MAP3K4: variants seen among roughly 807,000 people sequenced by gnomAD.
MAP3K4 encodes MAP three kinase 1.
In MAP3K4, 67 loss-of-function variants were observed where a neutral mutation model predicts 185.6. The observed-to-expected ratio is 0.36, with a 90% CI of 0.30 to 0.44. The LOEUF is 0.44. Ranked by LOEUF, MAP3K4 falls within the 20% of genes least tolerant of loss-of-function variation. The pLI is 1.00. For synonymous variants in MAP3K4, 702 were observed against 710.4 expected, an observed-to-expected ratio of 0.99 and a Z score of 0.19; for missense variants, 1,551 against 1,995.1, an observed-to-expected ratio of 0.78 and a Z score of 4.24.
At position 161,070,539 on chromosome 6, in the gene MAP3K4, T is replaced by C. The variant is rs182721045; in HGVS notation, c.1708-69T>C. On this transcript the variant is annotated intron_variant, in intron 3 of 26. Transcript: ENST00000392142. This position sits in a 1 kb window ranked among gnomAD's most constrained non-coding sequence, Gnocchi z 4.5. The stretch of plus-strand genomic sequence containing the variant: ...TAGCACATTGTAGAGAATAAGAGTT[T>C]ATAACCACAACCGTAGAACGTTGTC... 1 of 1,409,606 alleles carries C rather than the reference T, an allele frequency of 7.1e-7. No individual in the cohort carries two copies. Among genetic ancestry groups the C allele is most frequent in the East Asian group, 2.3e-5 (1 of 43,410 alleles). 87.3% of individuals were successfully genotyped at this position (1,409,606 alleles called of 1,614,324 possible). A position where few individuals can be genotyped will look rare whatever the true frequency, so the allele number is the denominator to read the frequency against.
In MAP3K4 at chr6:161,064,911, G is replaced by T. The variant is rs59129068; in HGVS notation, c.1708-5697G>T. ...GGACCCATGGGCCAATGCCTTCGTG[G>T]AGTCCAAGGTATTGTCCAAACAGGT... On this transcript the variant is annotated intron_variant, in intron 3 of 26. Transcript: ENST00000392142. The surrounding 1 kb of genome is among the most constrained non-coding windows in gnomAD (Gnocchi z 4.3). Among the ~76,000 whole-genome samples, 5,826 of 152,258 alleles carry T rather than the reference G, an allele frequency of 0.038. 151 individuals carry two copies. The highest frequency in any genetic ancestry group is 0.072 in the South Asian group (346 of 4,822).
intron 1 of MAP3K4, among the ~76,000 whole-genome samples, chr6:161,000,020 A>G (rs1048826382): frequency 1.3e-5 from 2 of 152,246 alleles, no homozygotes; most frequent in Non-Finnish European, 2.9e-5. Flanking sequence ...CTGTACATCA[A>G]GAAGACAGTA....
intron 2 of MAP3K4, among the ~76,000 whole-genome samples, chr6:161,047,117 CAT>C (rs3050257): frequency 0.14 from 19,062 of 134,738 alleles, 1,372 homozygotes; most frequent in Non-Finnish European, 0.17. Flanking sequence ...TTCACTTATG[CAT>C]ATATATATAT....
intron 1 of MAP3K4, among the ~76,000 whole-genome samples, chr6:160,993,756 C>T (rs896970870): frequency 5.9e-5 from 9 of 151,262 alleles, no homozygotes; most frequent in Admixed American, 2.0e-4. Context: ...AAAAACTTGA[C>T]TTTTCAGTCA....
chr6:160,994,708 T>A (rs1020476633), intron 1 of MAP3K4, among the ~76,000 whole-genome samples: 1 of 152,172 alleles, frequency 6.6e-6, no homozygotes, highest in African/African-American at 2.4e-5. Context: ...TAGGTTTTTT[T>A]AGTTTTTTTT....
rs1247687147 is a variant in MAP3K4, at chr6:161,101,180, T to C, written c.3675-712T>C. 1 of 152,230 alleles carries C rather than the reference T, an allele frequency of 6.6e-6. No homozygotes were observed. Among genetic ancestry groups the C allele is most frequent in the Non-Finnish European group, 1.5e-5 (1 of 68,046 alleles). The allele number at this position is 152,230 out of a possible 1,614,324, so 9.4% of individuals were successfully genotyped here. A position where few individuals can be genotyped will look rare whatever the true frequency, so the allele number is the denominator to read the frequency against. On this transcript the variant is annotated intron_variant, in intron 17 of 26. Coordinates refer to ENST00000392142, the MANE Select transcript of MAP3K4 (RefSeq NM_005922.4). The surrounding 1 kb of genome is among the most constrained non-coding windows in gnomAD (Gnocchi z 5.1). Reference sequence around the variant, plus strand: ...CTATTTAGTTTTAATTTTTACTCTTTATGGGTTCATTCTGGTTGCTGAACA... The same window carrying C: ...CTATTTAGTTTTAATTTTTACTCTTCATGGGTTCATTCTGGTTGCTGAACA...
intron 5 of MAP3K4, among the ~76,000 whole-genome samples, chr6:161,078,647 C>T (rs112927117): frequency 2.4e-4 from 36 of 152,232 alleles, no homozygotes; most frequent in African/African-American, 7.5e-4. Flanking sequence ...CAAGGTGGAA[C>T]CCCATCAAAA....
chr6:161,072,252 A>G (rs1296620849), intron 4 of MAP3K4, among the ~76,000 whole-genome samples: 1 of 152,222 alleles, frequency 6.6e-6, no homozygotes, highest in African/African-American at 2.4e-5. Context: ...AAAGCAATCC[A>G]TGTTTATTTT....
rs1781667906 is a variant in MAP3K4 at position 161,007,904 on chromosome 6, G to A, written c.152+15821G>A. Among the ~76,000 whole-genome samples, 3 of 152,188 alleles carry A rather than the reference G, an allele frequency of 2.0e-5. No homozygotes were observed. In the South Asian group the frequency reaches 6.2e-4, roughly 32 times the overall value. The stretch of plus-strand genomic sequence containing the variant: ...TTTTATATCAGTTGTAGGGTACGGT[G>A]AAATATCAGAGATGTTAAAATTAGG... On this transcript the variant is annotated intron_variant, in intron 1 of 26. Coordinates refer to ENST00000392142, the MANE Select transcript of MAP3K4 (RefSeq NM_005922.4). The surrounding 1 kb of genome is among the most constrained non-coding windows in gnomAD (Gnocchi z 4.5).
intron 1 of MAP3K4, among the ~76,000 whole-genome samples, chr6:161,019,420 T>C (rs1303083405): frequency 6.6e-6 from 1 of 152,226 alleles, no homozygotes; most frequent in East Asian, 1.9e-4. Context: ...ATCTCTTTCT[T>C]TCTATTTTTG....
In MAP3K4 at chr6:161,091,324, G is replaced by GT; in HGVS notation, c.2974-54dup. 7.0e-7 allele frequency: 1 copy of GT among 1,436,774 alleles called. No homozygotes were observed. The highest frequency in any genetic ancestry group is 9.5e-7 in the Non-Finnish European group (1 of 1,052,308). The allele number at this position is 1,436,774 out of a possible 1,614,324, so 89.0% of individuals were successfully genotyped here. On this transcript the variant is annotated intron_variant, in intron 11 of 26. Transcript: ENST00000392142. This position sits in a 1 kb window ranked among gnomAD's most constrained non-coding sequence, Gnocchi z 5.5. ...GAACGAAATCTTCCTTTAAAATGTG[G>GT]TAAGTATTGTATGATTTGCTTCATT...
chr6:161,094,005 G>A (rs1361136010), intron 15 of MAP3K4, among the ~76,000 whole-genome samples, 154 bp downstream of exon 15: 1 of 150,906 alleles, frequency 6.6e-6, no homozygotes, highest in Non-Finnish European at 1.5e-5. Context: ...TGTGTAGATA[G>A]AGAACTCCGC....
intron 1 of MAP3K4, among the ~76,000 whole-genome samples, chr6:161,011,268 A>G (rs1006196996): frequency 1.3e-5 from 2 of 152,212 alleles, no homozygotes; most frequent in African/African-American, 2.4e-5. Flanking sequence ...AGGTTCCTAA[A>G]CAGGCATTGA....
intron 1 of MAP3K4, chr6:160,992,298 G>T (rs894329882): frequency 1.7e-6 from 1 of 588,216 alleles, no homozygotes; most frequent in Non-Finnish European, 2.8e-6. Context: ...AGCTCCGCAG[G>T]GTTCCGCTCG....
chr6:161,081,472 C>G (rs1785453590), intron 6 of MAP3K4, among the ~76,000 whole-genome samples: 1 of 152,168 alleles, frequency 6.6e-6, no homozygotes, highest in African/African-American at 2.4e-5. Context: ...CCGCGTATAT[C>G]AGTCTTGGTG....
intron 2 of MAP3K4, among the ~76,000 whole-genome samples, chr6:161,035,021 T>C (rs901955946): frequency 3.3e-5 from 5 of 152,212 alleles, no homozygotes; most frequent in Non-Finnish European, 5.9e-5. Context: ...ATTGCTCTAT[T>C]AGACACGGAG....
chr6:161,047,680 T>A (rs756655964), intron 2 of MAP3K4, among the ~76,000 whole-genome samples: 16 of 152,170 alleles, frequency 1.1e-4, no homozygotes, highest in Non-Finnish European at 2.2e-4. Flanking sequence ...TTTTATGTAG[T>A]GAGCAAAGCT....
chr6:160,999,041 A>C (rs1372508169), intron 1 of MAP3K4, among the ~76,000 whole-genome samples: 1 of 152,256 alleles, frequency 6.6e-6, no homozygotes, highest in African/African-American at 2.4e-5. Flanking sequence ...AGGGAAAGCT[A>C]TTAAGAATAT....
At chr6:161,102,834 A>T in intron 19 of MAP3K4, 55 bp downstream of exon 19, 1 of 1,187,056 alleles carries the variant, frequency 8.4e-7, no homozygotes, top group Non-Finnish European at 1.2e-6. Context: ...ACACGATTAC[A>T]CATAAGGGGA....
Sources: gnomAD v4.1 joint callset for allele counts (sites outside exome capture counted in the v4.1 genomes callset) on GRCh38, gnomAD v4.1.1 for gene constraint, Gnocchi (gnomAD v3.1) non-coding constraint, MANE v1.5 for transcripts, NCBI Gene and HGNC (gene_info 2026-07-23, HGNC 2026-07-21) for gene names.